The following CFAP45 variants were observed in gnomAD, a reference collection of about 807,000 sequenced individuals.
CFAP45 encodes the protein cilia- and flagella-associated protein 45.
Under a neutral mutation model 75.6 loss-of-function variants are expected in CFAP45, and 43 were observed. That is an observed-to-expected ratio of 0.57 (90% CI 0.45 to 0.73). CFAP45 has a LOEUF of 0.73. Among genes scored for constraint, CFAP45 ranks in the 30% least tolerant of loss-of-function variants. CFAP45 has a pLI of 0.00. For synonymous variants in CFAP45, 223 were observed against 244.6 expected (o/e 0.91, Z 0.82); for missense variants, 689 against 701.5 (o/e 0.98, Z 0.20).
chr1:159,880,598 T>G lies in CFAP45; in HGVS notation c.1000A>C (p.Lys334Gln), dbSNP rs1649525959. The G allele has an allele frequency of 6.2e-7, 1 of 1,613,850 alleles. No homozygotes were observed. The highest frequency in any genetic ancestry group is 2.2e-5 in the East Asian group (1 of 44,860). The change falls in exon 8 of 12, where the codon AAG (lysine) becomes CAG (glutamine). Residue 334 changes from lysine to glutamine, a missense_variant. Transcript: ENST00000368099. ...TCCATCACCATCTGGTCTGCCAGCT[T>G]CTCCTGAGCCAGCAGTTCTGCTTTC... The part of the protein sequence containing the change: ...KQKAELLAQE[K>Q]LADQMVMEFT...
chr1:159,880,738 G>A, intron 7 of CFAP45, 38 bp from the exon 8 acceptor site: 3 of 1,606,120 alleles, frequency 1.9e-6, no homozygotes, highest in East Asian at 2.2e-5. Context: ...AGTACAAAGA[G>A]GTAAGACAAG....
In CFAP45 at chr1:159,884,514, C is replaced by T. The variant is rs764137419; in HGVS notation, c.819G>A (p.Ser273=). 98 of 1,613,744 alleles carry T rather than the reference C, an allele frequency of 6.1e-5. No homozygotes were observed. Among genetic ancestry groups the T allele is most frequent in the Middle Eastern group, 3.3e-4 (2 of 6,084 alleles). ...CCTGCTCCCGCTGCTCAGCAAGCAGCGATCGCTCCTCCTGGTTCTTTTCCA... is the reference window on the plus strand; with the variant it reads ...CCTGCTCCCGCTGCTCAGCAAGCAGTGATCGCTCCTCCTGGTTCTTTTCCA... The part of the protein sequence containing the change: ...EQMEKNQEER[S]LLAEQREQEK... Residue 273 remains serine, a synonymous_variant, in exon 7 of 12, where the codon TCG becomes TCA. Transcript: ENST00000368099.
In CFAP45 at chr1:159,899,954, C is replaced by T. The variant is rs575295885; in HGVS notation, c.3+142G>A. 4 of 778,248 alleles carry T rather than the reference C, an allele frequency of 5.1e-6. No homozygotes were observed. In the African/African-American group the frequency reaches 7.0e-5, roughly 14 times the overall value. 48.2% of individuals were successfully genotyped at this position (778,248 alleles called of 1,614,324 possible). On this transcript the variant is annotated intron_variant, in intron 1 of 11. Coordinates refer to ENST00000368099, the MANE Select transcript of CFAP45 (RefSeq NM_012337.3). ...TGAACCCACCTCAGGATCTCCCTTG[C>T]TTCTTCTAGAGGTGTTCTCCTTACT...
At chr1:159,892,968 G>A (rs1018150364) in intron 2 of CFAP45, among the ~76,000 whole-genome samples, 1 of 152,170 alleles carries the variant, frequency 6.6e-6, no homozygotes, top group Admixed American at 6.5e-5. Flanking sequence ...AGACATGAGA[G>A]ATTCTAGGGT....
At chr1:159,892,162 C>T (rs1168624907) in intron 2 of CFAP45, among the ~76,000 whole-genome samples, 2 of 152,108 alleles carry the variant, frequency 1.3e-5, no homozygotes, top group African/African-American at 4.8e-5. Context: ...TGGTGTGCAC[C>T]TGTAGTCCCA....
chr1:159,893,383 C>T (rs1649874382), intron 1 of CFAP45, 78 bp from the exon 2 acceptor site: 1 of 1,431,202 alleles, frequency 7.0e-7, no homozygotes, highest in South Asian at 1.2e-5. Flanking sequence ...ATTCACCAGC[C>T]CATGCTGGGG....
chr1:159,877,463 C>T lies in CFAP45; in HGVS notation c.1045-1G>A. 1 of 1,611,292 alleles carries T rather than the reference C, an allele frequency of 6.2e-7. No individual in the cohort carries two copies. The highest frequency in any genetic ancestry group is 8.5e-7 in the Non-Finnish European group (1 of 1,177,384). On this transcript the variant is annotated splice_acceptor_variant, in intron 8 of 11. Transcript: ENST00000368099. LOFTEE classifies it high-confidence loss of function. ...CAGCCTCAAACTCTGCTTCTCGAGCCTGCCGGAAGGAAAGGCCTTGTAGAA... is the reference window on the plus strand; with the variant it reads ...CAGCCTCAAACTCTGCTTCTCGAGCTTGCCGGAAGGAAAGGCCTTGTAGAA...
At chr1:159,888,790 G>GC (rs957212914) in intron 3 of CFAP45, among the ~76,000 whole-genome samples, 3 of 139,596 alleles carry the variant, frequency 2.1e-5, no homozygotes, top group Admixed American at 7.3e-5. Context: ...TGCCCACTCT[G>GC]CCCCCCCACC....
intron 1 of CFAP45, among the ~76,000 whole-genome samples, chr1:159,895,344 C>G (rs141778403): frequency 6.6e-6 from 1 of 152,312 alleles, no homozygotes; most frequent in Non-Finnish European, 1.5e-5. Context: ...TGGGAATCAG[C>G]AGCTGATAAA....
intron 4 of CFAP45, 100 bp downstream of exon 4, chr1:159,888,252 T>G: frequency 7.9e-7 from 1 of 1,268,094 alleles, no homozygotes; most frequent in South Asian, 1.4e-5. Flanking sequence ...ATTAAGTACA[T>G]AATTTGTGCC....
chr1:159,888,023 C>A lies in CFAP45; in HGVS notation c.418-12G>T, dbSNP rs1364618885. The stretch of plus-strand genomic sequence containing the variant: ...GTCATCACTGCATCCTAAGGGAGAC[C>A]AGTCTGGCTCAGTGGGAGATTATTT... On this transcript the variant is annotated splice_polypyrimidine_tract_variant and intron_variant, in intron 4 of 11. Coordinates refer to ENST00000368099, the MANE Select transcript of CFAP45 (RefSeq NM_012337.3). The A allele has an allele frequency of 1.5e-5, 24 of 1,611,322 alleles. No homozygotes were observed. Among genetic ancestry groups the A allele is most frequent in the Non-Finnish European group, 2.0e-5 (23 of 1,177,938 alleles).
rs951237276 is a variant in CFAP45 at position 159,900,156 on chromosome 1, C to A, written c.-58G>T. The A allele has an allele frequency of 1.9e-6, 3 of 1,612,912 alleles. No individual in the cohort carries two copies. Among genetic ancestry groups the A allele is most frequent in the Non-Finnish European group, 2.5e-6 (3 of 1,179,190 alleles). The stretch of plus-strand genomic sequence containing the variant: ...TGCTGCCGCCTCGGCGCCGCCAAGG[C>A]CCTAGTGTTGACGCGTTACCTTGGC... On this transcript the variant is annotated 5_prime_UTR_variant, in exon 1 of 12. Transcript: ENST00000368099.
intron 1 of CFAP45, among the ~76,000 whole-genome samples, chr1:159,896,664 T>C (rs1349598381): frequency 6.6e-6 from 1 of 152,162 alleles, no homozygotes; most frequent in Non-Finnish European, 1.5e-5. Flanking sequence ...CAGTCCTGCT[T>C]GCAGGAAGAT....
chr1:159,877,982 TC>T (rs1490147574), intron 8 of CFAP45, among the ~76,000 whole-genome samples: 1 of 152,206 alleles, frequency 6.6e-6, no homozygotes, highest in Non-Finnish European at 1.5e-5. Context: ...CAAAACACTT[TC>T]CTATGTGTTA....
intron 1 of CFAP45, chr1:159,897,993 T>C: frequency 2.1e-6 from 1 of 486,806 alleles, no homozygotes; most frequent in Non-Finnish European, 2.7e-6. Flanking sequence ...GTTTCCCTGA[T>C]GTAACTTCAA....
chr1:159,896,252 C>T (rs944333910), intron 1 of CFAP45, among the ~76,000 whole-genome samples: 1 of 152,154 alleles, frequency 6.6e-6, no homozygotes, highest in African/African-American at 2.4e-5. Context: ...CCCTTGGTAC[C>T]CAGGTCAAGA....
rs771744125 is a variant in CFAP45, at chr1:159,893,285, G to T, written c.24C>A (p.Ile8=). Residue 8 remains isoleucine, a synonymous_variant, in exon 2 of 12, where the codon ATC becomes ATA. Coordinates refer to ENST00000368099, the MANE Select transcript of CFAP45 (RefSeq NM_012337.3). ...TGGAAGCGGCAGAAGAGGAGCTCAG[G>T]ATGCCAGCTGTGCTTAGTGGCTGCA... MPLSTAG[I]LSSSSAASNR... is the part of the protein sequence containing the mutation. The T allele has an allele frequency of 6.2e-7, 1 of 1,613,484 alleles. No individual in the cohort carries two copies. The highest frequency in any genetic ancestry group is 1.1e-5 in the South Asian group (1 of 91,046).
At chr1:159,898,619 T>C (rs1243242088) in intron 1 of CFAP45, among the ~76,000 whole-genome samples, 3 of 152,132 alleles carry the variant, frequency 2.0e-5, no homozygotes, top group Admixed American at 6.5e-5. Flanking sequence ...CTGATCTGGG[T>C]GCTCTGAAGC....
chr1:159,874,712 TCA>T (rs1649359736), intron 10 of CFAP45, among the ~76,000 whole-genome samples: 1 of 152,194 alleles, frequency 6.6e-6, no homozygotes, highest in Non-Finnish European at 1.5e-5. Flanking sequence ...AGGGCAGTGA[TCA>T]CAGAGCCTAG....
Sources: gnomAD v4.1 joint callset for allele counts (sites outside exome capture counted in the v4.1 genomes callset) on GRCh38, gnomAD v4.1.1 for gene constraint, MANE v1.5 for transcripts, NCBI Gene and HGNC (gene_info 2026-07-23, HGNC 2026-07-21) for gene names.